AKR1B1: variants seen among roughly 807,000 people sequenced by gnomAD.
The protein encoded by AKR1B1 is aldo-keto reductase family 1 member B.
In AKR1B1, 22 loss-of-function variants were observed where a neutral mutation model predicts 40.4. The observed-to-expected ratio is 0.54, with a 90% CI of 0.39 to 0.78. AKR1B1 has a LOEUF of 0.78. AKR1B1 is among the 30% of genes least tolerant of loss of function. The pLI, the probability that AKR1B1 is intolerant of heterozygous loss-of-function variation, is 0.00. For missense variants in AKR1B1, 357 were observed against 396.7 expected (o/e 0.90, Z 0.85); for synonymous variants, 157 against 149.9 (o/e 1.05, Z -0.35).
chr7:134,453,151 G>C (rs1806343928), intron 1 of AKR1B1, among the ~76,000 whole-genome samples: 1 of 152,118 alleles, frequency 6.6e-6, no homozygotes, highest in Non-Finnish European at 1.5e-5. Flanking sequence ...AGAACAACTG[G>C]GGCCCAGGCA....
chr7:134,457,672 TA>T (rs1270863079), intron 1 of AKR1B1, among the ~76,000 whole-genome samples: 2 of 152,180 alleles, frequency 1.3e-5, no homozygotes, highest in African/African-American at 2.4e-5. Context: ...TGTCTGTGTG[TA>T]AATATCCAAC....
chr7:134,449,167 C>T, intron 4 of AKR1B1, 48 bp from the exon 5 acceptor site: 1 of 1,610,656 alleles, frequency 6.2e-7, no homozygotes, highest in Non-Finnish European at 8.5e-7. Context: ...CCAGAAAGGA[C>T]AGGATCAGAA....
Position 134,459,033 on chromosome 7 carries a change from G to A in AKR1B1, c.30C>T (p.Gly10=), listed in dbSNP as rs564125766. ...CCAACCCCAGGATGGGCATCTTGGC[G>A]CCGTTGTTGAGCAGGAGACGGCTTG... MASRLLLNN[G]AKMPILGLGT... The change falls in exon 1 of 10, where the codon GGC becomes GGT. Residue 10 remains glycine (G), a synonymous_variant. Transcript: ENST00000285930. The A allele has an allele frequency of 1.3e-5, 21 of 1,608,616 alleles. No individual in the cohort carries two copies. The African/African-American group carries it at 2.0e-4, about 15-fold the overall frequency.
intron 1 of AKR1B1, among the ~76,000 whole-genome samples, chr7:134,458,783 C>T (rs1453818298): frequency 3.9e-5 from 6 of 152,142 alleles, no homozygotes; most frequent in Admixed American, 3.9e-4. Flanking sequence ...CAGGATGCTG[C>T]CCTGACGCCC....
chr7:134,453,366 G>A (rs1170610629), intron 1 of AKR1B1, among the ~76,000 whole-genome samples: 1 of 152,166 alleles, frequency 6.6e-6, no homozygotes, highest in Non-Finnish European at 1.5e-5. Flanking sequence ...CCTGAGTCCA[G>A]CCCCGGTTCT....
chr7:134,442,888 C>G, intron 9 of AKR1B1, 118 bp from the exon 10 acceptor site: 1 of 985,726 alleles, frequency 1.0e-6, no homozygotes. Context: ...TCAGAGGCAA[C>G]AAGCTAGTTC....
At chr7:134,451,903 T>G in intron 1 of AKR1B1, 150 bp from the exon 2 acceptor site, 1 of 820,432 alleles carries the variant, frequency 1.2e-6, no homozygotes, top group Non-Finnish European at 2.0e-6. Flanking sequence ...CATTCTGGAC[T>G]ATCAGCCTCA....
At chr7:134,450,240 C>T (rs1320599761) in intron 3 of AKR1B1, among the ~76,000 whole-genome samples, 1 of 152,238 alleles carries the variant, frequency 6.6e-6, no homozygotes, top group South Asian at 2.1e-4. Flanking sequence ...TAAACCCACA[C>T]TTTGAACCTG....
rs1020660618 is a variant in AKR1B1, at chr7:134,449,928, T to G, written c.352-131A>C. The G allele has an allele frequency of 1.0e-5, 8 of 798,608 alleles. No individual in the cohort carries two copies. In the African/African-American group the frequency reaches 1.0e-4, roughly 10 times the overall value. 49.5% of individuals were successfully genotyped at this position (798,608 alleles called of 1,614,324 possible). A position where few individuals can be genotyped will look rare whatever the true frequency, so the allele number is the denominator to read the frequency against. ...GCTAGGGATAATCTGTGTGCCACTA[T>G]GAAAAGGAAATAGGCAGATAGCCAA... On this transcript the variant is annotated intron_variant, in intron 3 of 9. Coordinates refer to ENST00000285930, the MANE Select transcript of AKR1B1 (RefSeq NM_001628.4).
intron 9 of AKR1B1, among the ~76,000 whole-genome samples, chr7:134,443,993 G>A (rs996653843): frequency 6.6e-6 from 1 of 152,148 alleles, no homozygotes; most frequent in African/African-American, 2.4e-5. Flanking sequence ...GAGGGCAGAG[G>A]AGCCTAACTG....
rs137981081 is a variant in AKR1B1 at position 134,446,466 on chromosome 7, C to T, written c.825+832G>A. On this transcript the variant is annotated intron_variant, in intron 8 of 9. Coordinates refer to ENST00000285930, the MANE Select transcript of AKR1B1 (RefSeq NM_001628.4). Reference sequence around the variant, plus strand: ...GAGCCCCAGGCCCATGGCTGTGCTGCGCTCGGCACAGATCTTGGATAAAGA... The same window carrying T: ...GAGCCCCAGGCCCATGGCTGTGCTGTGCTCGGCACAGATCTTGGATAAAGA... Among the ~76,000 whole-genome samples, 266 of 152,324 alleles carry T rather than the reference C, an allele frequency of 1.7e-3. 3 individuals are homozygous for T. The highest frequency in any genetic ancestry group is 9.1e-3 in the East Asian group (47 of 5,168).
At chr7:134,445,964 C>T (rs1416733644) in intron 8 of AKR1B1, among the ~76,000 whole-genome samples, 1 of 152,170 alleles carries the variant, frequency 6.6e-6, no homozygotes, top group Admixed American at 6.5e-5. Flanking sequence ...GGGTGAGACC[C>T]ACAAGAGGCT....
intron 1 of AKR1B1, among the ~76,000 whole-genome samples, chr7:134,453,114 A>T (rs1806341631): frequency 6.6e-6 from 1 of 152,176 alleles, no homozygotes; most frequent in Admixed American, 6.5e-5. Context: ...GACAGCAGGG[A>T]GAGCAGAGGA....
chr7:134,444,142 ATTCACTCC>A (rs1187489155), intron 9 of AKR1B1, among the ~76,000 whole-genome samples: 1 of 152,160 alleles, frequency 6.6e-6, no homozygotes, highest in Non-Finnish European at 1.5e-5. Context: ...TTGGTGACTG[ATTCACTCC>A]TCTCCTCCTT....
chr7:134,448,988 G>C lies in AKR1B1; in HGVS notation c.552+9C>G. Reference sequence around the variant, plus strand: ...CGTTGCAATGCCAGTGTCGTTGGGGGATGTTTACCTGGTTAACTGCAGGCT... The same window carrying C: ...CGTTGCAATGCCAGTGTCGTTGGGGCATGTTTACCTGGTTAACTGCAGGCT... On this transcript the variant is annotated intron_variant, in intron 5 of 9. Coordinates refer to ENST00000285930, the MANE Select transcript of AKR1B1 (RefSeq NM_001628.4). 1 of 1,614,022 alleles carries C rather than the reference G, an allele frequency of 6.2e-7. No homozygotes were observed. Among genetic ancestry groups the C allele is most frequent in the South Asian group, 1.1e-5 (1 of 91,076 alleles).
At chr7:134,443,227 T>C (rs535183337) in intron 9 of AKR1B1, among the ~76,000 whole-genome samples, 5 of 152,226 alleles carry the variant, frequency 3.3e-5, no homozygotes, top group Non-Finnish European at 5.9e-5. Context: ...CTGGGCAACA[T>C]AGCAAGATTT....
intron 9 of AKR1B1, among the ~76,000 whole-genome samples, chr7:134,444,452 G>A (rs964748457): frequency 5.9e-5 from 9 of 152,240 alleles, no homozygotes; most frequent in African/African-American, 2.2e-4. Context: ...GAAAGGGAAA[G>A]CTGGTAGCCC....
At chr7:134,445,808 T>C (rs1051034018) in intron 8 of AKR1B1, among the ~76,000 whole-genome samples, 2 of 152,248 alleles carry the variant, frequency 1.3e-5, no homozygotes, top group Admixed American at 1.3e-4. Context: ...AGATGGTATT[T>C]GACATGGCCT....
At chr7:134,459,176 G>A (rs938328454), upstream of AKR1B1, 8 of 1,304,804 alleles carry the variant, frequency 6.1e-6, no homozygotes, top group Admixed American at 1.4e-4. Flanking sequence ...GCGCGCCGCT[G>A]CGCGAAGGAG....
Sources: allele counts gnomAD v4.1 joint callset (sites outside exome capture counted in the v4.1 genomes callset), GRCh38; gene constraint gnomAD v4.1.1; transcripts MANE v1.5; gene names NCBI Gene and HGNC (gene_info 2026-07-23, HGNC 2026-07-21).